MAP4: variants seen among roughly 807,000 people sequenced by gnomAD.
The protein encoded by MAP4 is microtubule associated protein 4.
A neutral mutation model predicts 170.2 loss-of-function variants in MAP4; 76 were observed. That is an observed-to-expected ratio of 0.45 (90% CI 0.37 to 0.54). The LOEUF (loss-of-function observed/expected upper bound fraction) is 0.54, where lower values mean the gene tolerates loss of function less well. MAP4 is among the 20% of genes least tolerant of loss of function. The pLI is 0.00. For synonymous variants in MAP4, 909 were observed against 994.5 expected, an observed-to-expected ratio of 0.91 and a Z score of 1.62; for missense variants, 2,506 against 2,748.0, an observed-to-expected ratio of 0.91 and a Z score of 1.97.
chr3:47,876,145 T>C (rs1468524958), intron 11 of MAP4, among the ~76,000 whole-genome samples: 1 of 149,214 alleles, frequency 6.7e-6, no homozygotes, highest in African/African-American at 2.4e-5. Flanking sequence ...TCTTTTTTTT[T>C]TTTTTTGAGA....
At chr3:47,881,446 CTATATATATATATATATATATA>C (rs56923064) in intron 10 of MAP4, among the ~76,000 whole-genome samples, 9,781 of 49,514 alleles carry the variant, frequency 0.2, 1,288 homozygotes, top group Middle Eastern at 0.27. Context: ...GAAAAAACAA[CTATATATATATATATATATATA>C]TATATATATA....
At chr3:48,002,192 G>A (rs1487760705) in intron 1 of MAP4, among the ~76,000 whole-genome samples, 2 of 149,128 alleles carry the variant, frequency 1.3e-5, no homozygotes, top group Non-Finnish European at 3.0e-5. Flanking sequence ...GTGGAGCCAC[G>A]ATTGCATCAC....
At chr3:48,045,077 TG>T (rs2100123712) in intron 1 of MAP4, among the ~76,000 whole-genome samples, 1 of 151,150 alleles carries the variant, frequency 6.6e-6, no homozygotes, top group Non-Finnish European at 1.5e-5. Flanking sequence ...GACAACATGG[TG>T]AAAACCCATC....
At position 48,076,690 on chromosome 3, in the gene MAP4, A is replaced by C. The variant is rs137991644; in HGVS notation, c.-20+12083T>G. On this transcript the variant is annotated intron_variant, in intron 1 of 18. Transcript: ENST00000360240. ...AGAGACCCTGTCTCGGAAAGAAGAA[A>C]GAACGAACGAACGAAAGAACAAACG... 8.7e-3 allele frequency among the ~76,000 whole-genome samples: 1,320 copies of C among 152,170 alleles called. 19 individuals are homozygous for C. The highest frequency in any genetic ancestry group is 0.033 in the South Asian group (160 of 4,816).
chr3:47,915,047 A>C, intron 7 of MAP4, 108 bp from the exon 8 acceptor site: 1 of 1,337,400 alleles, frequency 7.5e-7, no homozygotes, highest in Non-Finnish European at 1.1e-6. Context: ...GTTCTCCTAC[A>C]AGGGGCAGCA....
intron 1 of MAP4, among the ~76,000 whole-genome samples, chr3:48,014,902 G>A (rs563705337): frequency 6.6e-6 from 1 of 152,218 alleles, no homozygotes; most frequent in East Asian, 1.9e-4. Context: ...TATTGAAGAT[G>A]TCTGAGTTCT....
At chr3:47,856,222 C>T (rs919531278) in intron 18 of MAP4, among the ~76,000 whole-genome samples, 1 of 152,222 alleles carries the variant, frequency 6.6e-6, no homozygotes. Flanking sequence ...CATGGCAGAC[C>T]TCCACGCACA....
intron 17 of MAP4, among the ~76,000 whole-genome samples, chr3:47,866,022 G>A (rs1046188135): frequency 6.6e-6 from 1 of 152,186 alleles, no homozygotes; most frequent in African/African-American, 2.4e-5. Flanking sequence ...TGTTTGGGTG[G>A]AAGAGGAAAG....
chr3:48,001,100 A>G (rs2100098909), intron 1 of MAP4, among the ~76,000 whole-genome samples: 1 of 152,200 alleles, frequency 6.6e-6, no homozygotes, highest in Admixed American at 6.5e-5. Context: ...GGTGGCACAG[A>G]GGCTTAAGAA....
intron 10 of MAP4, among the ~76,000 whole-genome samples, chr3:47,880,235 A>AG (rs1290503699): frequency 6.8e-6 from 1 of 146,910 alleles, no homozygotes; most frequent in Non-Finnish European, 1.5e-5. Flanking sequence ...CTGGGACTAC[A>AG]GTACCCGCCA....
intron 3 of MAP4, among the ~76,000 whole-genome samples, chr3:47,944,608 A>G (rs4858872): frequency 6.6e-6 from 1 of 151,904 alleles, no homozygotes; most frequent in African/African-American, 2.4e-5. Flanking sequence ...TCTCCTTTCC[A>G]AGGACAGCAA....
chr3:47,993,905 G>C (rs1164791357), intron 2 of MAP4, among the ~76,000 whole-genome samples: 5 of 152,184 alleles, frequency 3.3e-5, no homozygotes, highest in African/African-American at 9.7e-5. Flanking sequence ...AGCCAGGAAA[G>C]CTTCATCAGA....
At chr3:47,948,891 G>A (rs1233651735) in intron 3 of MAP4, among the ~76,000 whole-genome samples, 1 of 152,150 alleles carries the variant, frequency 6.6e-6, no homozygotes, top group Non-Finnish European at 1.5e-5. Flanking sequence ...AAAGTGCTGA[G>A]ATTATAGGCG....
At chr3:47,868,548 C>G (rs1002511022) in intron 16 of MAP4, among the ~76,000 whole-genome samples, 3 of 152,164 alleles carry the variant, frequency 2.0e-5, no homozygotes, top group African/African-American at 7.2e-5. Context: ...AGAGGCACAC[C>G]TACCTGCTAC....
chr3:48,004,487 C>G (rs565783052), intron 1 of MAP4, among the ~76,000 whole-genome samples: 1 of 152,312 alleles, frequency 6.6e-6, no homozygotes, highest in South Asian at 2.1e-4. Flanking sequence ...ATGATGAACT[C>G]AGGGATTCTG....
chr3:47,917,411 A>T (rs982893472), intron 6 of MAP4, among the ~76,000 whole-genome samples: 1 of 151,986 alleles, frequency 6.6e-6, no homozygotes, highest in African/African-American at 2.4e-5. Flanking sequence ...AACATGGTGA[A>T]ACCCTGTCTC....
At chr3:47,991,501 G>C (rs753257572) in intron 2 of MAP4, among the ~76,000 whole-genome samples, 22 of 152,128 alleles carry the variant, frequency 1.4e-4, no homozygotes, top group Admixed American at 5.9e-4. Context: ...TCTGACTGTC[G>C]CTATAAAAAT....
chr3:47,910,818 T>C lies in MAP4; in HGVS notation c.3603A>G (p.Ala1201=). The C allele has an allele frequency of 1.3e-6, 2 of 1,536,142 alleles. No individual in the cohort carries two copies. Among genetic ancestry groups the C allele is most frequent in the Non-Finnish European group, 1.7e-6 (2 of 1,146,914 alleles). ...EGRCPWKDHE[A]APWISEKPKK... Reference sequence around the variant, plus strand: ...TAGGCTTTTCAGAAATCCAGGGAGCTGCCTCATGATCCTTCCATGGACACC... The same window carrying C: ...TAGGCTTTTCAGAAATCCAGGGAGCCGCCTCATGATCCTTCCATGGACACC... Residue 1201 remains alanine (A), a synonymous_variant, in exon 9 of 21, where the codon GCA becomes GCG. Coordinates refer to ENST00000683076, the MANE Select transcript of MAP4 (RefSeq NM_001385682.1).
At chr3:47,958,769 C>T (rs554957308) in intron 3 of MAP4, among the ~76,000 whole-genome samples, 31 of 151,434 alleles carry the variant, frequency 2.0e-4, no homozygotes, top group Non-Finnish European at 4.1e-4. Flanking sequence ...CTGCAACCTC[C>T]GCCTCCCAGG....
Sources: allele counts gnomAD v4.1 joint callset (sites outside exome capture counted in the v4.1 genomes callset), GRCh38; gene constraint gnomAD v4.1.1; transcripts MANE v1.5; gene names NCBI Gene and HGNC (gene_info 2026-07-23, HGNC 2026-07-21).